Variants in TIAM2 observed in about 807,000 individuals in gnomAD.
TIAM2 encodes the protein rho guanine nucleotide exchange factor TIAM2.
Under a neutral mutation model 152.9 loss-of-function variants are expected in TIAM2, and 80 were observed. The ratio of observed to expected loss-of-function variants is 0.52; its 90% CI spans 0.44 to 0.63. The LOEUF is 0.63. Among genes scored for constraint, TIAM2 ranks in the 30% least tolerant of loss-of-function variants. The pLI, the probability that TIAM2 is intolerant of heterozygous loss-of-function variation, is 0.00. For synonymous variants in TIAM2, 804 were observed against 838.0 expected (o/e 0.96, Z 0.70); for missense variants, 1,965 against 2,120.1 (o/e 0.93, Z 1.44).
intron 5 of TIAM2, among the ~76,000 whole-genome samples, chr6:155,138,081 G>T (rs1779597494): frequency 6.6e-6 from 1 of 152,146 alleles, no homozygotes; most frequent in Non-Finnish European, 1.5e-5. Context: ...CCTCAAGCAG[G>T]TTGTCCACCT....
intron 2 of TIAM2, among the ~76,000 whole-genome samples, chr6:155,092,703 A>G (rs944125764): frequency 1.3e-5 from 2 of 151,990 alleles, no homozygotes; most frequent in Non-Finnish European, 2.9e-5. Context: ...TAAAAATACA[A>G]AATTAGCCAG....
At chr6:154,996,864 G>A (rs1393092453) in intron 1 of TIAM2, among the ~76,000 whole-genome samples, 3 of 152,184 alleles carry the variant, frequency 2.0e-5, no homozygotes, top group African/African-American at 7.2e-5. Flanking sequence ...AAAACTTGTT[G>A]CTTTAGGGTG....
At chr6:155,084,266 C>A (rs1778132140) in intron 1 of TIAM2, among the ~76,000 whole-genome samples, 1 of 152,182 alleles carries the variant, frequency 6.6e-6, no homozygotes, top group Non-Finnish European at 1.5e-5. Context: ...TGTTCCCCAC[C>A]ACACGTGTTG....
At chr6:155,182,474 A>C (rs949790344) in intron 13 of TIAM2, among the ~76,000 whole-genome samples, 156 bp downstream of exon 13, 2 of 152,206 alleles carry the variant, frequency 1.3e-5, no homozygotes, top group Non-Finnish European at 2.9e-5. Context: ...AAATGCGACC[A>C]AACACAGCGG....
At chr6:155,072,380 G>A (rs1003697471) in intron 1 of TIAM2, among the ~76,000 whole-genome samples, 2 of 152,146 alleles carry the variant, frequency 1.3e-5, no homozygotes, top group African/African-American at 2.4e-5. Flanking sequence ...GCAAAGGAGA[G>A]GGAGGCATAC....
At position 155,164,304 on chromosome 6, in the gene TIAM2, A is replaced by G. The variant is rs1396782069; in HGVS notation, c.2029-111A>G. ...CAGGAAAGGCTAATTTAAACCATGC[A>G]GACCAGCCGAAACTAATTTTTTCTT... On this transcript the variant is annotated intron_variant, in intron 7 of 26. Coordinates refer to ENST00000682666, the MANE Select transcript of TIAM2 (RefSeq NM_012454.4). The G allele has an allele frequency of 4.0e-6, 4 of 1,001,872 alleles. No individual in the cohort carries two copies. In the African/African-American group the frequency reaches 4.8e-5, roughly 12 times the overall value. The allele number at this position is 1,001,872 out of a possible 1,614,324, so 62.1% of individuals were successfully genotyped here.
chr6:155,117,643 A>G (rs1330105788), intron 2 of TIAM2, among the ~76,000 whole-genome samples: 1 of 152,186 alleles, frequency 6.6e-6, no homozygotes, highest in East Asian at 1.9e-4. Context: ...GGGTTTCACC[A>G]TGTTGATCGG....
rs150524945 is a variant in TIAM2, at chr6:155,129,679, G to A, written c.456G>A (p.Pro152=). The A allele has an allele frequency of 2.0e-5, 32 of 1,613,938 alleles. No homozygotes were observed. The highest frequency in any genetic ancestry group is 8.9e-5 in the East Asian group (4 of 44,880). The change falls in exon 4 of 27, where the codon CCG becomes CCA. Residue 152 remains proline (P), a synonymous_variant. Coordinates refer to ENST00000682666, the MANE Select transcript of TIAM2 (RefSeq NM_012454.4). This position sits in a 1 kb window ranked among gnomAD's most constrained non-coding sequence, Gnocchi z 4.8. ...ATGAGAGCATTGCCTCCACCCCACCGGGCGAAGACCGCAAGAGCCCCCGAG... is the reference window on the plus strand; with the variant it reads ...ATGAGAGCATTGCCTCCACCCCACCAGGCGAAGACCGCAAGAGCCCCCGAG... ...GRNESIASTP[P]GEDRKSPRVL...
At chr6:155,102,624 C>G (rs1051649414) in intron 2 of TIAM2, among the ~76,000 whole-genome samples, 4 of 152,074 alleles carry the variant, frequency 2.6e-5, no homozygotes, top group Non-Finnish European at 5.9e-5. Flanking sequence ...GAACAGAAAC[C>G]CTCAAGAATA....
At chr6:155,240,155 G>T (rs570436224) in intron 15 of TIAM2, among the ~76,000 whole-genome samples, 3 of 152,372 alleles carry the variant, frequency 2.0e-5, no homozygotes, top group Admixed American at 1.3e-4. Flanking sequence ...GGGTGGGCCT[G>T]TTGAGGCCAT....
At chr6:155,090,255 T>A (rs933558156) in intron 1 of TIAM2, 34 bp from the exon 2 acceptor site, 13 of 152,232 alleles carry the variant, frequency 8.5e-5, no homozygotes, top group Admixed American at 2.6e-4. Flanking sequence ...AAATTATTTC[T>A]CACTGCCTCT....
At position 155,186,956 on chromosome 6, in the gene TIAM2, C is replaced by T. The variant is rs1016582140; in HGVS notation, c.3064+3456C>T. ...AGAAGGAAAGTTCTGTTTGCTTTTC[C>T]AGAGAAGCCAATCCTTTGCTTGCTA... On this transcript the variant is annotated intron_variant, in intron 14 of 26. Coordinates refer to ENST00000682666, the MANE Select transcript of TIAM2 (RefSeq NM_012454.4). This position sits in a 1 kb window ranked among gnomAD's most constrained non-coding sequence, Gnocchi z 4.5. Among the ~76,000 whole-genome samples the T allele has an allele frequency of 2.6e-5, 4 of 152,102 alleles. No homozygotes were observed. The highest frequency in any genetic ancestry group is 4.4e-5 in the Non-Finnish European group (3 of 68,034).
rs75781993 is a variant in TIAM2, at chr6:155,201,866, A to G, written c.3065-9338A>G. Among the ~76,000 whole-genome samples the G allele has an allele frequency of 6.1e-3, 927 of 152,342 alleles. 12 individuals carry two copies. Among genetic ancestry groups the G allele is most frequent in the African/African-American group, 0.021 (886 of 41,586 alleles). ...CTGTTTATTGCCGGTGTTAGCTTGC[A>G]TTGTCAAAAACATCACCAATTGGAA... On this transcript the variant is annotated intron_variant, in intron 14 of 26. Transcript: ENST00000682666.
intron 22 of TIAM2, 24 bp from the exon 23 acceptor site, chr6:155,251,919 CTT>C: frequency 3.2e-6 from 5 of 1,571,918 alleles, no homozygotes; most frequent in Non-Finnish European, 4.4e-6. Flanking sequence ...AAAATAAAGA[CTT>C]TCTTTCTCTT....
At chr6:155,050,181 G>A (rs1391993549) in intron 1 of TIAM2, among the ~76,000 whole-genome samples, 5 of 152,000 alleles carry the variant, frequency 3.3e-5, no homozygotes, top group South Asian at 2.1e-4. Context: ...ACTGGTGCTC[G>A]CCACCATGCC....
intron 14 of TIAM2, among the ~76,000 whole-genome samples, chr6:155,206,396 C>T (rs77093281): frequency 0.1 from 15,591 of 152,052 alleles, 1,186 homozygotes; most frequent in East Asian, 0.21. Context: ...CCACCAGGCC[C>T]GGCTAATTTT....
chr6:155,100,558 T>C (rs1016769231), intron 2 of TIAM2, among the ~76,000 whole-genome samples: 9 of 152,218 alleles, frequency 5.9e-5, no homozygotes, highest in Admixed American at 5.2e-4. Context: ...CTCCCATTCA[T>C]TAATTCGTTC....
chr6:155,251,321 T>C (rs1224919615), intron 22 of TIAM2, among the ~76,000 whole-genome samples: 1 of 152,178 alleles, frequency 6.6e-6, no homozygotes, highest in Non-Finnish European at 1.5e-5. Context: ...GGTTTTGCTC[T>C]TGTTGCCCAG....
intron 15 of TIAM2, among the ~76,000 whole-genome samples, chr6:155,227,741 C>T (rs933264199): frequency 1.3e-5 from 2 of 152,174 alleles, no homozygotes; most frequent in Non-Finnish European, 2.9e-5. Flanking sequence ...GTTGGTTACA[C>T]CCCCGTCGAC....
Sources: gnomAD v4.1 joint callset for allele counts (sites outside exome capture counted in the v4.1 genomes callset) on GRCh38, gnomAD v4.1.1 for gene constraint, Gnocchi (gnomAD v3.1) non-coding constraint, MANE v1.5 for transcripts, NCBI Gene and HGNC (gene_info 2026-07-23, HGNC 2026-07-21) for gene names.